Variants in DMBT1 observed in about 807,000 individuals in gnomAD.
The protein encoded by DMBT1 is scavenger receptor cysteine-rich domain-containing protein DMBT1.
DMBT1 carries 198 observed loss-of-function variants against 252.9 expected under a neutral mutation model. The observed-to-expected ratio is 0.78, with a 90% CI of 0.70 to 0.88. The LOEUF (loss-of-function observed/expected upper bound fraction) is 0.88, where lower values mean the gene tolerates loss of function less well. DMBT1 is among the 40% of genes least tolerant of loss of function. The probability of loss-of-function intolerance (pLI) is 0.00; values close to 1 mark genes in which losing one functional copy is unlikely to be tolerated. For missense variants in DMBT1, 2,432 were observed against 2,404.7 expected, an observed-to-expected ratio of 1.01 and a Z score of -0.24; for synonymous variants, 990 against 942.7, an observed-to-expected ratio of 1.05 and a Z score of -0.92.
rs936171735 is a variant in DMBT1, at chr10:122,590,603, C to A, written c.2108-62C>A. On this transcript the variant is annotated intron_variant, in intron 17 of 55. Coordinates refer to ENST00000338354, the MANE Select transcript of DMBT1 (RefSeq NM_001377530.1). ...GCGCTACCAGTTTAGTTCCTTGTAC[C>A]TTTGTTCTGGTTTTGCCAGCTTCTG... 3.8e-6 allele frequency: 6 copies of A among 1,562,506 alleles called. No homozygotes were observed. In the Admixed American group the frequency reaches 8.4e-5, roughly 22 times the overall value.
rs867945599 is a variant in DMBT1, at chr10:122,589,875, A to G, written c.2107+608A>G. On this transcript the variant is annotated intron_variant, in intron 17 of 55. Coordinates refer to ENST00000338354, the MANE Select transcript of DMBT1 (RefSeq NM_001377530.1). Reference sequence around the variant, plus strand: ...TGAATGGTTGGCTTCCATGACCCAGACATGGCACATCAGGCCTCACCTCTA... The same window carrying G: ...TGAATGGTTGGCTTCCATGACCCAGGCATGGCACATCAGGCCTCACCTCTA... Among the ~76,000 whole-genome samples the G allele has an allele frequency of 1.3e-4, 19 of 148,702 alleles. 1 individual carries two copies. Among genetic ancestry groups the G allele is most frequent in the African/African-American group, 4.6e-4 (19 of 41,132 alleles).
intron 54 of DMBT1, among the ~76,000 whole-genome samples, chr10:122,638,443 T>C (rs1051888890): frequency 2.0e-5 from 3 of 152,224 alleles, no homozygotes; most frequent in Non-Finnish European, 4.4e-5. Context: ...TTTTATTTTA[T>C]TTTAATTTTT....
chr10:122,630,597 C>A, intron 48 of DMBT1, 107 bp downstream of exon 48: 1 of 1,171,166 alleles, frequency 8.5e-7, no homozygotes, highest in Non-Finnish European at 1.2e-6. Flanking sequence ...CTCAGCGATG[C>A]ACGGCCCATT....
At chr10:122,599,434 C>A (rs928022679) in intron 26 of DMBT1, among the ~76,000 whole-genome samples, 3 of 152,192 alleles carry the variant, frequency 2.0e-5, no homozygotes, top group Non-Finnish European at 4.4e-5. Flanking sequence ...GGACAGACAG[C>A]AAGGCGGGGT....
intron 1 of DMBT1, among the ~76,000 whole-genome samples, chr10:122,562,474 A>T (rs1049750026): frequency 6.6e-6 from 1 of 152,054 alleles, no homozygotes. Flanking sequence ...ACCTCAGGGG[A>T]GTGGAGACTG....
At position 122,570,922 on chromosome 10, in the gene DMBT1, T is replaced by G. The variant is rs1468604734; in HGVS notation, c.172T>G (p.Ser58Ala). The change falls in exon 4 of 56, where the codon TCA becomes GCA. Residue 58 changes from serine to alanine, a missense_variant. Ser to Ala is a moderately conservative substitution (Grantham distance 99). Transcript: ENST00000338354. ...SPFPSESTLE[S>A]TVAEGSPISL... ...ATTTCCCTCGGAGTCGACCCTGGAG[T>G]CAACTGTAGCAGAAGGTAACGTCTA... The G allele has an allele frequency of 1.9e-6, 3 of 1,612,648 alleles. No homozygotes were observed. The East Asian group carries it at 6.7e-5, about 36-fold the overall frequency.
At chr10:122,578,502 C>T (rs1215451507) in intron 8 of DMBT1, among the ~76,000 whole-genome samples, 1 of 152,082 alleles carries the variant, frequency 6.6e-6, no homozygotes, top group South Asian at 2.1e-4. Flanking sequence ...AATAGGTCAT[C>T]CCTCTCTCAG....
rs1195701920 is a variant in DMBT1 at position 122,593,123 on chromosome 10, G to C, written c.2501-446G>C. Among the ~76,000 whole-genome samples, 4 of 148,946 alleles carry C rather than the reference G, an allele frequency of 2.7e-5. 1 individual carries two copies. Among genetic ancestry groups the C allele is most frequent in the South Asian group, 4.5e-4 (2 of 4,468 alleles). ...GTGAGGTTGGAGTCCTTGACCTCAG[G>C]TCCTCTCAGAACGCTGCAGAGCACT... On this transcript the variant is annotated intron_variant, in intron 20 of 55. Transcript: ENST00000338354.
rs761528801 is a variant in DMBT1, at chr10:122,640,253, A to G, written c.7156A>G (p.Ile2386Val). 1.2e-6 allele frequency: 2 copies of G among 1,613,984 alleles called. No homozygotes were observed. Among genetic ancestry groups the G allele is most frequent in the Non-Finnish European group, 1.7e-6 (2 of 1,179,890 alleles). The part of the protein sequence containing the change: ...EVQYGNFDVN[I>V]SFYTSSSFLY... Reference sequence around the variant, plus strand: ...CCAGTATGGCAATTTTGACGTGAACATTTCCTTTTATACTTCCTCATCTTT... The same window carrying G: ...CCAGTATGGCAATTTTGACGTGAACGTTTCCTTTTATACTTCCTCATCTTT... Residue 2386 changes from isoleucine (I) to valine (V), a missense_variant, in exon 55 of 56, where the codon ATT becomes GTT. Physicochemically the swap from Ile to Val is conservative, Grantham distance 29 (BLOSUM62 3). Around this residue, in one of 3 missense-constraint regions of DMBT1, gnomAD observed 1,162 missense variants for 1,169.0 expected, o/e 0.99. Coordinates refer to ENST00000338354, the MANE Select transcript of DMBT1 (RefSeq NM_001377530.1).
At chr10:122,621,950 G>A (rs1038259458) in intron 44 of DMBT1, among the ~76,000 whole-genome samples, 1 of 152,182 alleles carries the variant, frequency 6.6e-6, no homozygotes, top group African/African-American at 2.4e-5. Flanking sequence ...GGTGTTGGGA[G>A]GGCAGCTCCC....
At chr10:122,580,343 C>A (rs1357773124) in intron 10 of DMBT1, among the ~76,000 whole-genome samples, 1 of 152,170 alleles carries the variant, frequency 6.6e-6, no homozygotes, top group Non-Finnish European at 1.5e-5. Context: ...AATAGAGGCT[C>A]AAGGGTTAGG....
At chr10:122,565,297 T>C (rs1427322345) in intron 1 of DMBT1, among the ~76,000 whole-genome samples, 2 of 152,226 alleles carry the variant, frequency 1.3e-5, no homozygotes, top group African/African-American at 4.8e-5. Context: ...GATTACAAGA[T>C]AGGATGAGTT....
chr10:122,617,898 A>T (rs1393383465), intron 40 of DMBT1, 119 bp from the exon 41 acceptor site: 2 of 1,513,176 alleles, frequency 1.3e-6, no homozygotes, highest in African/African-American at 2.8e-5. Context: ...AGTTGTATGC[A>T]ATTGTGACTG....
intron 46 of DMBT1, among the ~76,000 whole-genome samples, chr10:122,628,624 G>A (rs912636849): frequency 5.3e-5 from 8 of 152,036 alleles, no homozygotes; most frequent in East Asian, 1.9e-4. Flanking sequence ...TGACAAGAGC[G>A]AAACTCCATC....
At chr10:122,578,810 C>T in intron 9 of DMBT1, 51 bp downstream of exon 9, 1 of 1,518,424 alleles carries the variant, frequency 6.6e-7, no homozygotes, top group Non-Finnish European at 9.0e-7. Flanking sequence ...CCTCTGGATA[C>T]ACTTTGGATT....
chr10:122,576,566 G>T lies in DMBT1; in HGVS notation c.451G>T (p.Ala151Ser), dbSNP rs2133543333. The T allele has an allele frequency of 6.2e-7, 1 of 1,613,970 alleles. No homozygotes were observed. The highest frequency in any genetic ancestry group is 8.5e-7 in the Non-Finnish European group (1 of 1,179,864). The change falls in exon 7 of 56, where the codon GCT (alanine) becomes TCT (serine). Residue 151 changes from alanine (A) to serine (S), a missense_variant. Physicochemically the swap from Ala to Ser is moderately conservative, Grantham distance 99 (BLOSUM62 1). Coordinates refer to ENST00000338354, the MANE Select transcript of DMBT1 (RefSeq NM_001377530.1). ...GCTGGGTTGTGGCTGGGCCATGTCA[G>T]CTCCAGGAAATGCCTGGTTTGGCCA... Reference protein sequence around the residue: ...RQLGCGWAMSAPGNAWFGQGS... With the variant: ...RQLGCGWAMSSPGNAWFGQGS...
rs368871859 is a variant in DMBT1 at position 122,598,762 on chromosome 10, G to A, written c.2957-12G>A. On this transcript the variant is annotated splice_polypyrimidine_tract_variant and intron_variant, in intron 25 of 55. Coordinates refer to ENST00000338354, the MANE Select transcript of DMBT1 (RefSeq NM_001377530.1). ...ATAGGGATGGATGAAGGATTCTTGTGTTCCCCTGTAGGATCTGAATCCAGT... is the reference window on the plus strand; with the variant it reads ...ATAGGGATGGATGAAGGATTCTTGTATTCCCCTGTAGGATCTGAATCCAGT... The A allele has an allele frequency of 6.2e-7, 1 of 1,612,758 alleles. No individual in the cohort carries two copies.
At chr10:122,626,057 G>A in intron 46 of DMBT1, 92 bp downstream of exon 46, 1 of 1,053,468 alleles carries the variant, frequency 9.5e-7, no homozygotes, top group Non-Finnish European at 1.5e-6. Context: ...CCCCACCCCA[G>A]CCTTCCTCAA....
chr10:122,637,307 A>G lies in DMBT1; in HGVS notation c.6937A>G (p.Lys2313Glu). Residue 2313 changes from lysine to glutamate, a missense_variant, in exon 54 of 56, where the codon AAG (lysine) becomes GAG (glutamate). By Grantham distance (56) the Lys-to-Glu change is moderately conservative. Transcript: ENST00000338354. The stretch of plus-strand genomic sequence containing the variant: ...TCCCTACTCAGGCTGCGGCACCTTC[A>G]AGCAGGTAAGCCTGGGGCTTCCCAT... ...TIPYSGCGTF[K>E]QADNDTIDYS... 2 of 1,603,390 alleles carry G rather than the reference A, an allele frequency of 1.2e-6. No homozygotes were observed. Among genetic ancestry groups the G allele is most frequent in the Non-Finnish European group, 1.7e-6 (2 of 1,174,284 alleles).
Sources: gnomAD v4.1 joint callset for allele counts (sites outside exome capture counted in the v4.1 genomes callset) on GRCh38, gnomAD v4.1.1 for gene constraint, gnomAD v4.1.1 regional missense constraint, MANE v1.5 for transcripts, NCBI Gene and HGNC (gene_info 2026-07-23, HGNC 2026-07-21) for gene names.